Variants in CLUH observed in about 807,000 individuals in gnomAD.
The protein encoded by CLUH is clustered mitochondria protein homolog.
A neutral mutation model predicts 139.3 loss-of-function variants in CLUH; 77 were observed. The ratio of observed to expected loss-of-function variants is 0.55; its 90% CI spans 0.46 to 0.67. The LOEUF (loss-of-function observed/expected upper bound fraction) is 0.67. Ranked by LOEUF, CLUH falls within the 30% of genes least tolerant of loss-of-function variation. The pLI, the probability that CLUH is intolerant of heterozygous loss-of-function variation, is 0.00. For missense variants in CLUH, 1,876 were observed against 1,875.8 expected, an observed-to-expected ratio of 1.00 and a Z score of 0.00; for synonymous variants, 999 against 801.6, an observed-to-expected ratio of 1.25 and a Z score of -4.16.
At chr17:2,697,125 C>G (rs947070315) in intron 10 of CLUH, among the ~76,000 whole-genome samples, 183 bp from the exon 11 acceptor site, 9 of 152,198 alleles carry the variant, frequency 5.9e-5, no homozygotes, top group Non-Finnish European at 1.2e-4. Context: ...GGCGGCCGGG[C>G]GTGGTGGCTC....
chr17:2,697,683 G>A (rs574345653), intron 10 of CLUH, among the ~76,000 whole-genome samples: 102 of 152,290 alleles, frequency 6.7e-4, no homozygotes, highest in Admixed American at 1.1e-3. Context: ...CACATTACCC[G>A]CCTGGCTGCT....
At chr17:2,691,709 G>A in intron 24 of CLUH, 27 bp from the exon 25 acceptor site, 2 of 1,609,024 alleles carry the variant, frequency 1.2e-6, no homozygotes, top group African/African-American at 1.3e-5. Flanking sequence ...CCAGCGGTGA[G>A]CGGGGCTCCC....
At chr17:2,694,822 T>TGCCCCCCCCC in intron 16 of CLUH, 35 bp downstream of exon 16, 17 of 1,346,334 alleles carry the variant, frequency 1.3e-5, no homozygotes, top group Non-Finnish European at 1.7e-5. Context: ...ATCTGCCCAA[T>TGCCCCCCCCC]CCCACCCACC....
chr17:2,706,378 C>T lies in CLUH; in HGVS notation c.101-1814G>A, dbSNP rs924058271. ...TTTGAAGCCCAGAAAGGCTCGGAGC[C>T]TGGCCTAAGGTCAACCAAGTCAGAA... On this transcript the variant is annotated intron_variant, in intron 1 of 25. Transcript: ENST00000651024. The surrounding 1 kb of genome is among the most constrained non-coding windows in gnomAD (Gnocchi z 4.6). Among the ~76,000 whole-genome samples the T allele has an allele frequency of 6.6e-6, 1 of 152,132 alleles. No individual in the cohort carries two copies. Among genetic ancestry groups the T allele is most frequent in the Non-Finnish European group, 1.5e-5 (1 of 68,024 alleles).
rs1404216393 is a variant in CLUH at position 2,696,671 on chromosome 17, T to C, written c.2185+48A>G. On this transcript the variant is annotated intron_variant, in intron 11 of 25. Coordinates refer to ENST00000651024, the MANE Select transcript of CLUH (RefSeq NM_001366661.1). ...CCCAGGTGGGGGTCATAAGCCACCC[T>C]GGCAGGGCCAGCCCGGGCTCTCTCC... The C allele has an allele frequency of 5.0e-6, 8 of 1,599,190 alleles. No homozygotes were observed. The Middle Eastern group carries it at 9.4e-4, about 188-fold the overall frequency.
chr17:2,690,243 T>C lies in CLUH; in HGVS notation c.*351A>G, dbSNP rs993973750. ...ACCCACTCAGGACTGGCTCGGGCTA[T>C]GTACAGGGGAGAGGAACGGTCAACA... On this transcript the variant is annotated 3_prime_UTR_variant, in exon 26 of 26. Coordinates refer to ENST00000651024, the MANE Select transcript of CLUH (RefSeq NM_001366661.1). 12 of 254,178 alleles carry C rather than the reference T, an allele frequency of 4.7e-5. No homozygotes were observed. In the East Asian group the frequency reaches 5.0e-4, roughly 11 times the overall value. 15.7% of individuals were successfully genotyped at this position (254,178 alleles called of 1,614,324 possible). A position where few individuals can be genotyped will look rare whatever the true frequency, so the allele number is the denominator to read the frequency against.
At position 2,707,560 on chromosome 17, in the gene CLUH, G is replaced by T. The variant is rs569523494; in HGVS notation, c.101-2996C>A. On this transcript the variant is annotated intron_variant, in intron 1 of 25. Transcript: ENST00000651024. This position sits in a 1 kb window ranked among gnomAD's most constrained non-coding sequence, Gnocchi z 7.4. Reference sequence around the variant, plus strand: ...TCACTGCCGGCAAAGCCGCTAGGGGGATCGGAGAACCCAGAATTTGGGGTA... The same window carrying T: ...TCACTGCCGGCAAAGCCGCTAGGGGTATCGGAGAACCCAGAATTTGGGGTA... 12 of 985,418 alleles carry T rather than the reference G, an allele frequency of 1.2e-5. No individual in the cohort carries two copies. The Admixed American group carries it at 5.5e-4, about 45-fold the overall frequency. The allele number at this position is 985,418 out of a possible 1,614,324, so 61.0% of individuals were successfully genotyped here.
Position 2,694,198 on chromosome 17 carries a change from C to T in CLUH, c.3016G>A (p.Val1006Met), listed in dbSNP as rs1332669209. 8.1e-6 allele frequency: 13 copies of T among 1,613,190 alleles called. No homozygotes were observed. The highest frequency in any genetic ancestry group is 1.6e-4 in the Middle Eastern group (1 of 6,084). The change falls in exon 18 of 26, where the codon GTG becomes ATG. Residue 1006 changes from valine (V) to methionine (M), a missense_variant. By Grantham distance (21) the Val-to-Met change is conservative. This residue lies in a region of CLUH where 1,454 missense variants were observed against 1,384.4 expected (regional missense o/e 1.05). Coordinates refer to ENST00000651024, the MANE Select transcript of CLUH (RefSeq NM_001366661.1). ...TEEDVLNIFP[V>M]VKHVNPKASD... The stretch of plus-strand genomic sequence containing the variant: ...GCCTTGGGGTTGACGTGCTTGACCA[C>T]GGGGAAGATGTTGAGCACGTCCTCC...
rs374759051 is a variant in CLUH, at chr17:2,695,480, G to A, written c.2438C>T (p.Thr813Met). ...CCGCTGGCGCATCACCTCTGCCAGC[G>A]TTGCCCCGTCCACGGGCAGGACCGC... is the stretch of plus-strand genomic sequence containing the variant. ...EHAVLPVDGA[T>M]LAEVMRQRGI... Residue 813 changes from threonine (T) to methionine (M), a missense_variant, in exon 14 of 26, where the codon ACG (threonine) becomes ATG (methionine). By Grantham distance (81) the Thr-to-Met change is moderately conservative. This residue lies in a region of CLUH where 1,454 missense variants were observed against 1,384.4 expected (regional missense o/e 1.05). Coordinates refer to ENST00000651024, the MANE Select transcript of CLUH (RefSeq NM_001366661.1). 58 of 1,609,680 alleles carry A rather than the reference G, an allele frequency of 3.6e-5. No homozygotes were observed. The highest frequency in any genetic ancestry group is 1.6e-4 in the Middle Eastern group (1 of 6,084).
At position 2,694,867 on chromosome 17, in the gene CLUH, C is replaced by A. The variant is rs374551796; in HGVS notation, c.2842G>T (p.Asp948Tyr). ...CQEAKNYFDF[D>Y]LECETVDQAV... Reference sequence around the variant, plus strand: ...CTGCCCCGCACGCACCACTCGAGGTCGAAGTCAAAGTAGTTCTTGGCCTCC... The same window carrying A: ...CTGCCCCGCACGCACCACTCGAGGTAGAAGTCAAAGTAGTTCTTGGCCTCC... The change falls in exon 16 of 26, where the codon GAC (aspartate) becomes TAC (tyrosine). Residue 948 changes from aspartate (D) to tyrosine (Y), a missense_variant. This residue lies in a region of CLUH where 1,454 missense variants were observed against 1,384.4 expected (regional missense o/e 1.05). Transcript: ENST00000651024. 3.7e-6 allele frequency: 5 copies of A among 1,338,794 alleles called. No homozygotes were observed. Among genetic ancestry groups the A allele is most frequent in the Admixed American group, 4.5e-5 (2 of 44,168 alleles). 82.9% of individuals were successfully genotyped at this position (1,338,794 alleles called of 1,614,324 possible). A position where few individuals can be genotyped will look rare whatever the true frequency, so the allele number is the denominator to read the frequency against.
chr17:2,693,977 C>T lies in CLUH; in HGVS notation c.3154G>A (p.Gly1052Arg). 3.7e-6 allele frequency: 6 copies of T among 1,613,878 alleles called. No homozygotes were observed. The highest frequency in any genetic ancestry group is 1.3e-5 in the African/African-American group (1 of 75,042). ...GCGCAGGTCTCCACGTGCATGGCTC[C>T]GTAGACGTTGTTAAACAGGTTCAGG... ...EALNLFNNVY[G>R]AMHVETCACL... Residue 1052 changes from glycine (G) to arginine (R), a missense_variant, in exon 19 of 26, where the codon GGA (glycine) becomes AGA (arginine). This residue lies in a region of CLUH where 1,454 missense variants were observed against 1,384.4 expected (regional missense o/e 1.05). Coordinates refer to ENST00000651024, the MANE Select transcript of CLUH (RefSeq NM_001366661.1).
chr17:2,699,283 GT>G (rs2070090611), intron 9 of CLUH, among the ~76,000 whole-genome samples: 2 of 152,324 alleles, frequency 1.3e-5, no homozygotes, highest in South Asian at 4.1e-4. Flanking sequence ...CGAGAAATGA[GT>G]TTTTGTTTCT....
chr17:2,692,700 C>CCA lies in CLUH; in HGVS notation c.3313-5_3313-4insTG. The CCA allele has an allele frequency of 6.2e-7, 1 of 1,609,112 alleles. No homozygotes were observed. The highest frequency in any genetic ancestry group is 1.7e-4 in the Middle Eastern group (1 of 6,024). The stretch of plus-strand genomic sequence containing the variant: ...AGCAGTACAGGGCCAGGTGCATCTG[C>CCA]GGGCGGGGCGGAGACAGGTCAGGGT... On this transcript the variant is annotated splice_region_variant and splice_polypyrimidine_tract_variant and intron_variant, in intron 20 of 25. Coordinates refer to ENST00000651024, the MANE Select transcript of CLUH (RefSeq NM_001366661.1).
In CLUH at chr17:2,703,222, C is replaced by G. The variant is rs2070242140; in HGVS notation, c.475+96G>C. 4.6e-6 allele frequency: 6 copies of G among 1,296,328 alleles called. No individual in the cohort carries two copies. The highest frequency in any genetic ancestry group is 4.2e-6 in the Non-Finnish European group (4 of 941,990). The allele number at this position is 1,296,328 out of a possible 1,614,324, so 80.3% of individuals were successfully genotyped here. On this transcript the variant is annotated intron_variant, in intron 3 of 25. Transcript: ENST00000651024. The surrounding 1 kb of genome is among the most constrained non-coding windows in gnomAD (Gnocchi z 4.2). Reference sequence around the variant, plus strand: ...TGTGCTCCAATCCTGCCTCCATGAGCTCATCCGTGACACAGGGACCCTGGC... The same window carrying G: ...TGTGCTCCAATCCTGCCTCCATGAGGTCATCCGTGACACAGGGACCCTGGC...
chr17:2,695,872 G>GGAT, intron 13 of CLUH: 2 of 579,144 alleles, frequency 3.5e-6, no homozygotes, highest in South Asian at 4.3e-5. Context: ...AGGAGGAGGA[G>GGAT]GATGGGCAGC....
Position 2,691,591 on chromosome 17 carries a change from G to A in CLUH, c.3863+18C>T. 1 of 1,609,166 alleles carries A rather than the reference G, an allele frequency of 6.2e-7. No individual in the cohort carries two copies. Reference sequence around the variant, plus strand: ...AAACCCCCAACCGGGAGACACTCGAGTGGGGCGGAGGCCTCACCTGAGAGG... The same window carrying A: ...AAACCCCCAACCGGGAGACACTCGAATGGGGCGGAGGCCTCACCTGAGAGG... On this transcript the variant is annotated intron_variant, in intron 25 of 25. Transcript: ENST00000651024.
rs373453394 is a variant in CLUH at position 2,695,408 on chromosome 17, C to T, written c.2510G>A (p.Arg837Gln). ...YLGKVLELVL[R>Q]SPARHQLDHV... is the part of the protein sequence containing the mutation. ...GTCCAGCTGGTGGCGGGCCGGGCTC[C>T]GCAGCACCAGCTCCAGCACCTTGCC... The change falls in exon 14 of 26, where the codon CGG becomes CAG. Residue 837 changes from arginine (R) to glutamine (Q), a missense_variant. Physicochemically the swap from Arg to Gln is conservative, Grantham distance 43 (BLOSUM62 1). Around this residue, in one of 3 missense-constraint regions of CLUH, gnomAD observed 1,454 missense variants for 1,384.4 expected, o/e 1.05. Transcript: ENST00000651024. 1.1e-4 allele frequency: 172 copies of T among 1,612,724 alleles called. No homozygotes were observed. The African/African-American group carries it at 1.7e-3, about 16-fold the overall frequency.
intron 8 of CLUH, 38 bp from the exon 9 acceptor site, chr17:2,700,512 T>G (rs769574850): frequency 2.5e-6 from 4 of 1,592,268 alleles, no homozygotes; most frequent in Non-Finnish European, 8.5e-7. Flanking sequence ...GAGCTCAGCC[T>G]GTGCCCTGTG....
intron 1 of CLUH, among the ~76,000 whole-genome samples, chr17:2,709,078 T>C (rs985317218): frequency 2.6e-5 from 4 of 152,164 alleles, no homozygotes; most frequent in Non-Finnish European, 5.9e-5. Flanking sequence ...AAGCACACCC[T>C]TGCCCCGGCC....
Sources: allele counts gnomAD v4.1 joint callset (sites outside exome capture counted in the v4.1 genomes callset), GRCh38; gene constraint gnomAD v4.1.1; regional missense constraint gnomAD v4.1.1; non-coding constraint Gnocchi (gnomAD v3.1); transcripts MANE v1.5; gene names NCBI Gene and HGNC (gene_info 2026-07-23, HGNC 2026-07-21).